The following XPR1 variants were observed in gnomAD, a reference collection of about 807,000 sequenced individuals.
The protein encoded by XPR1 is xenotropic and polytropic retrovirus receptor 1, also known as solute carrier family 53 member 1.
XPR1 carries 28 observed loss-of-function variants against 87.5 expected under a neutral mutation model. The observed-to-expected ratio is 0.32, with a 90% CI of 0.24 to 0.44. XPR1 has a LOEUF of 0.44. Among genes scored for constraint, XPR1 ranks in the 20% least tolerant of loss-of-function variants. XPR1 has a pLI of 1.00. For synonymous variants in XPR1, 300 were observed against 306.1 expected (o/e 0.98, Z 0.21); for missense variants, 559 against 862.3 (o/e 0.65, Z 4.41).
intron 2 of XPR1, among the ~76,000 whole-genome samples, chr1:180,693,430 G>A (rs7524547): frequency 0.74 from 111,914 of 152,098 alleles, 41,653 homozygotes; most frequent in African/African-American, 0.8. Flanking sequence ...AAAATCATTT[G>A]GAGTAGCATT....
chr1:180,645,002 C>A (rs1655066519), intron 1 of XPR1, among the ~76,000 whole-genome samples: 3 of 152,028 alleles, frequency 2.0e-5, no homozygotes, highest in South Asian at 4.1e-4. Flanking sequence ...TTGCAGAAAA[C>A]CTGCTTCACA....
At chr1:180,673,440 A>G (rs1285826033) in intron 1 of XPR1, among the ~76,000 whole-genome samples, 2 of 152,198 alleles carry the variant, frequency 1.3e-5, no homozygotes, top group Admixed American at 1.3e-4. Context: ...TGTTCACATC[A>G]GCAATCATCT....
At chr1:180,815,071 A>G (rs376758860) in intron 7 of XPR1, among the ~76,000 whole-genome samples, 16 of 152,146 alleles carry the variant, frequency 1.1e-4, no homozygotes, top group African/African-American at 2.9e-4. Context: ...TGCTATGTCA[A>G]TATAAGGTAT....
chr1:180,796,245 A>G lies in XPR1; in HGVS notation c.224-7143A>G, dbSNP rs894278791. Reference sequence around the variant, plus strand: ...GAGCTTTCTGGCGATCTGGCTCTAGAAAACTGAAGTGTCATTGCAAAATAG... The same window carrying G: ...GAGCTTTCTGGCGATCTGGCTCTAGGAAACTGAAGTGTCATTGCAAAATAG... On this transcript the variant is annotated intron_variant, in intron 3 of 14. Coordinates refer to ENST00000367590, the MANE Select transcript of XPR1 (RefSeq NM_004736.4). 1.8e-4 allele frequency among the ~76,000 whole-genome samples: 28 copies of G among 152,322 alleles called. No homozygotes were observed. In the South Asian group the frequency reaches 5.8e-3, roughly 32 times the overall value.
chr1:180,715,162 A>G (rs1025471917), intron 2 of XPR1, among the ~76,000 whole-genome samples: 5 of 152,242 alleles, frequency 3.3e-5, no homozygotes, highest in African/African-American at 9.6e-5. Flanking sequence ...TGAATGTAAT[A>G]TAGCCCCAGA....
chr1:180,793,074 G>A (rs2102100300), intron 3 of XPR1, among the ~76,000 whole-genome samples: 1 of 152,148 alleles, frequency 6.6e-6, no homozygotes, highest in African/African-American at 2.4e-5. Flanking sequence ...AGTCATAGCA[G>A]TGTTACATCC....
rs1658924127 is a variant in XPR1 at position 180,741,508 on chromosome 1, T to TA, written c.122-46244dup. Among the ~76,000 whole-genome samples the TA allele has an allele frequency of 3.3e-5, 5 of 151,432 alleles. No homozygotes were observed. In the South Asian group the frequency reaches 1.0e-3, roughly 32 times the overall value. The stretch of plus-strand genomic sequence containing the variant: ...AGGTTTTTTTGTTTGTTTTTTTAGA[T>TA]AGAGTCTCACTCTATCACCCCGGCT... On this transcript the variant is annotated intron_variant, in intron 2 of 14. Transcript: ENST00000367590.
chr1:180,693,215 T>C (rs895998883), intron 2 of XPR1, among the ~76,000 whole-genome samples: 1 of 152,206 alleles, frequency 6.6e-6, no homozygotes. Flanking sequence ...AAGTTTAAAG[T>C]TGGCAGAGTT....
At chr1:180,817,146 A>G (rs1176554167) in intron 7 of XPR1, among the ~76,000 whole-genome samples, 1 of 152,176 alleles carries the variant, frequency 6.6e-6, no homozygotes, top group Non-Finnish European at 1.5e-5. Flanking sequence ...TAGAATAAGG[A>G]TATAAAGAAA....
At chr1:180,769,455 T>TTCTCTC (rs113535211) in intron 2 of XPR1, among the ~76,000 whole-genome samples, 54 of 118,716 alleles carry the variant, frequency 4.5e-4, no homozygotes, top group Middle Eastern at 3.8e-3. Flanking sequence ...TAACCATCCT[T>TTCTCTC]TCTCTCTCTC....
intron 1 of XPR1, among the ~76,000 whole-genome samples, chr1:180,653,500 G>A (rs1376890826): frequency 6.6e-6 from 1 of 152,018 alleles, no homozygotes; most frequent in Non-Finnish European, 1.5e-5. Flanking sequence ...AGAAATACTT[G>A]GCAATTATTG....
At chr1:180,654,951 T>A (rs1260510583) in intron 1 of XPR1, among the ~76,000 whole-genome samples, 2 of 152,188 alleles carry the variant, frequency 1.3e-5, no homozygotes, top group Non-Finnish European at 2.9e-5. Flanking sequence ...GAAGTATAAT[T>A]ACTAGATCTT....
intron 2 of XPR1, among the ~76,000 whole-genome samples, chr1:180,761,528 C>T (rs1571810378): frequency 6.6e-6 from 1 of 152,222 alleles, no homozygotes; most frequent in Middle Eastern, 3.4e-3. Flanking sequence ...AAATGCTCAT[C>T]ATCACTGGCC....
intron 11 of XPR1, among the ~76,000 whole-genome samples, chr1:180,853,624 T>TAGAC (rs1397390433): frequency 1.0e-5 from 1 of 96,434 alleles, no homozygotes. Context: ...TATTAGACTA[T>TAGAC]AGACACACAC....
chr1:180,856,858 C>T (rs1265600174), intron 11 of XPR1, among the ~76,000 whole-genome samples: 3 of 152,168 alleles, frequency 2.0e-5, no homozygotes, highest in Non-Finnish European at 4.4e-5. Flanking sequence ...ACTCATCTCC[C>T]CAAAGATACC....
At chr1:180,853,617 T>A (rs578235377) in intron 11 of XPR1, among the ~76,000 whole-genome samples, 120 of 127,636 alleles carry the variant, frequency 9.4e-4, no homozygotes, top group Non-Finnish European at 1.7e-3. Flanking sequence ...ATTTTGTTAT[T>A]AGACTATAGA....
At chr1:180,695,060 A>G (rs1336729351) in intron 2 of XPR1, among the ~76,000 whole-genome samples, 2 of 151,788 alleles carry the variant, frequency 1.3e-5, no homozygotes, top group Admixed American at 6.6e-5. Context: ...CAGTATTGTT[A>G]TTTTTGTCTT....
intron 2 of XPR1, among the ~76,000 whole-genome samples, chr1:180,747,287 G>A (rs865853900): frequency 6.6e-6 from 1 of 152,128 alleles, no homozygotes; most frequent in Non-Finnish European, 1.5e-5. Flanking sequence ...TAACTAGCTT[G>A]TATCTTTTAT....
chr1:180,632,368 C>A (rs984108022), intron 1 of XPR1, 98 bp downstream of exon 1: 2 of 1,461,176 alleles, frequency 1.4e-6, no homozygotes, highest in Non-Finnish European at 1.9e-6. Context: ...GCTCCCTGTG[C>A]CCGGGCAGAC....
Sources: allele counts gnomAD v4.1 joint callset (sites outside exome capture counted in the v4.1 genomes callset), GRCh38; gene constraint gnomAD v4.1.1; transcripts MANE v1.5; gene names NCBI Gene and HGNC (gene_info 2026-07-23, HGNC 2026-07-21).